LACTB2: variants seen among roughly 807,000 people sequenced by gnomAD.
LACTB2 encodes endoribonuclease LACTB2.
Under a neutral mutation model 34.8 loss-of-function variants are expected in LACTB2, and 32 were observed. The ratio of observed to expected loss-of-function variants is 0.92; its 90% CI spans 0.69 to 1.24. The LOEUF is 1.24. Ranked by LOEUF, LACTB2 falls within the 50% of genes most tolerant of loss-of-function variation. LACTB2 has a pLI of 0.00. For synonymous variants in LACTB2, 120 were observed against 117.5 expected (o/e 1.02, Z -0.14); for missense variants, 320 against 345.0 (o/e 0.93, Z 0.57).
chr8:70,665,792 A>C (rs1192922778), intron 1 of LACTB2, among the ~76,000 whole-genome samples: 1 of 152,180 alleles, frequency 6.6e-6, no homozygotes, highest in East Asian at 1.9e-4. Context: ...ATTCTATTCC[A>C]CTTGACTACC....
intron 1 of LACTB2, among the ~76,000 whole-genome samples, chr8:70,666,606 C>T (rs113026226): frequency 0.022 from 3,393 of 152,166 alleles, 49 homozygotes; most frequent in Middle Eastern, 0.037. Flanking sequence ...ACCACTCAGG[C>T]TACAAAGGGA....
intron 3 of LACTB2, among the ~76,000 whole-genome samples, chr8:70,654,193 T>C (rs1020389358): frequency 2.0e-5 from 3 of 152,132 alleles, no homozygotes; most frequent in Admixed American, 6.6e-5. Context: ...ATAAGTAACA[T>C]GTGAACTGGG....
At chr8:70,663,516 G>A (rs755494701) in intron 1 of LACTB2, among the ~76,000 whole-genome samples, 1 of 152,166 alleles carries the variant, frequency 6.6e-6, no homozygotes, top group Admixed American at 6.5e-5. Context: ...GGACCAAGAG[G>A]GCATTTATTA....
At chr8:70,643,208 C>CATTTT (rs1818221357) in intron 4 of LACTB2, among the ~76,000 whole-genome samples, 3 of 76,194 alleles carry the variant, frequency 3.9e-5, no homozygotes, top group Non-Finnish European at 5.0e-5. Flanking sequence ...GTGTATTTTC[C>CATTTT]TTTTTTTTTT....
Position 70,669,053 on chromosome 8 carries a change from G to C in LACTB2, c.68C>G (p.Pro23Arg), listed in dbSNP as rs771960820. ...NRVVRVLGCNPGPMTLQGTNT... is the reference protein window; with the variant it reads ...NRVVRVLGCNRGPMTLQGTNT... ...GGTGCCTTGGAGGGTCATGGGACCC[G>C]GGTTACAGCCCAACACACGCACGAC... The change falls in exon 1 of 7, where the codon CCG becomes CGG. Residue 23 changes from proline to arginine, a missense_variant. Coordinates refer to ENST00000276590, the MANE Select transcript of LACTB2 (RefSeq NM_016027.3). The C allele has an allele frequency of 5.0e-6, 8 of 1,611,914 alleles. No individual in the cohort carries two copies. Among genetic ancestry groups the C allele is most frequent in the Non-Finnish European group, 6.8e-6 (8 of 1,179,278 alleles).
chr8:70,668,851 G>A (rs192074574), intron 1 of LACTB2, 148 bp downstream of exon 1: 3 of 1,002,316 alleles, frequency 3.0e-6, no homozygotes, highest in Non-Finnish European at 4.3e-6. Context: ...GAGTGTCTGC[G>A]TGCAGTCCCG....
chr8:70,656,458 G>A (rs1488383611), intron 3 of LACTB2, among the ~76,000 whole-genome samples: 2 of 152,052 alleles, frequency 1.3e-5, no homozygotes, highest in East Asian at 3.9e-4. Flanking sequence ...CCACTTTATG[G>A]TTTTGTTTGC....
chr8:70,644,004 T>C (rs28696864), intron 4 of LACTB2, 61 bp downstream of exon 4: 140,735 of 1,377,200 alleles, frequency 0.1, 9,214 homozygotes, highest in African/African-American at 0.31. Flanking sequence ...CTGGAAAACA[T>C]AGCAAGACCT....
chr8:70,641,087 A>G, intron 4 of LACTB2, 37 bp from the exon 5 acceptor site: 1 of 1,527,866 alleles, frequency 6.5e-7, no homozygotes, highest in Non-Finnish European at 8.8e-7. Context: ...CTTCAGTCAG[A>G]TAAAAAAATA....
intron 1 of LACTB2, among the ~76,000 whole-genome samples, chr8:70,668,550 T>C (rs1037282830): frequency 6.6e-6 from 1 of 152,198 alleles, no homozygotes; most frequent in Non-Finnish European, 1.5e-5. Context: ...CCTCTGCTGC[T>C]GAGTTGAGGA....
chr8:70,660,451 C>T (rs1029708008), intron 2 of LACTB2: 41 of 368,056 alleles, frequency 1.1e-4, no homozygotes, highest in Admixed American at 6.2e-4. Context: ...TAACTGGCAG[C>T]CTGGTGATAT....
At chr8:70,651,520 A>T (rs1818341792) in intron 3 of LACTB2, among the ~76,000 whole-genome samples, 1 of 151,624 alleles carries the variant, frequency 6.6e-6, no homozygotes, top group African/African-American at 2.4e-5. Context: ...ACAGAACCCC[A>T]ATCTTTCTTT....
intron 2 of LACTB2, chr8:70,660,949 T>G (rs1363681772): frequency 4.4e-6 from 2 of 455,898 alleles, no homozygotes; most frequent in Non-Finnish European, 8.8e-6. Context: ...GGGAAATTTT[T>G]GTACTTTTTT....
chr8:70,657,534 C>A (rs1216474199), intron 3 of LACTB2, among the ~76,000 whole-genome samples: 5 of 150,850 alleles, frequency 3.3e-5, no homozygotes, highest in African/African-American at 1.2e-4. Flanking sequence ...CAGGTTCAAG[C>A]AATCATCTCA....
In LACTB2 at chr8:70,638,530, A is replaced by C. The variant is rs1477902008; in HGVS notation, c.823+18T>G. On this transcript the variant is annotated intron_variant, in intron 6 of 6. Transcript: ENST00000276590. Reference sequence around the variant, plus strand: ...TTTTAAATGCTGGTAATAGAAGAAAATTTGGAAGCATACTCACATATTTTT... The same window carrying C: ...TTTTAAATGCTGGTAATAGAAGAAACTTTGGAAGCATACTCACATATTTTT... 5 of 1,525,704 alleles carry C rather than the reference A, an allele frequency of 3.3e-6. No individual in the cohort carries two copies. Among genetic ancestry groups the C allele is most frequent in the Non-Finnish European group, 3.5e-6 (4 of 1,139,468 alleles). The allele number at this position is 1,525,704 out of a possible 1,614,324, so 94.5% of individuals were successfully genotyped here. A position where few individuals can be genotyped will look rare whatever the true frequency, so the allele number is the denominator to read the frequency against.
At chr8:70,658,640 A>G (rs904188183) in intron 2 of LACTB2, among the ~76,000 whole-genome samples, 13 of 152,212 alleles carry the variant, frequency 8.5e-5, no homozygotes, top group African/African-American at 3.1e-4. Flanking sequence ...GAAAGGATTT[A>G]TAAATATGAT....
At chr8:70,661,994 A>C in intron 1 of LACTB2, 97 bp from the exon 2 acceptor site, 3 of 1,073,682 alleles carry the variant, frequency 2.8e-6, no homozygotes, top group Non-Finnish European at 3.9e-6. Context: ...AAACTGCAAA[A>C]ATTATTTTAC....
chr8:70,658,460 T>C (rs1274397715), intron 2 of LACTB2, among the ~76,000 whole-genome samples: 1 of 152,168 alleles, frequency 6.6e-6, no homozygotes, highest in Non-Finnish European at 1.5e-5. Context: ...CTAACCAGTA[T>C]ACTAGGTATA....
At chr8:70,643,310 C>T (rs963296191) in intron 4 of LACTB2, among the ~76,000 whole-genome samples, 3 of 144,508 alleles carry the variant, frequency 2.1e-5, no homozygotes, top group African/African-American at 7.6e-5. Flanking sequence ...ACAACCTCCA[C>T]CTCTCAGGTT....
Sources: gnomAD v4.1 joint callset for allele counts (sites outside exome capture counted in the v4.1 genomes callset) on GRCh38, gnomAD v4.1.1 for gene constraint, MANE v1.5 for transcripts, NCBI Gene and HGNC (gene_info 2026-07-23, HGNC 2026-07-21) for gene names.